The following BACE2 variants were observed in gnomAD, a reference collection of about 807,000 sequenced individuals.
BACE2 encodes beta-secretase 2.
In BACE2, 17 loss-of-function variants were observed where a neutral mutation model predicts 46.2. That is an observed-to-expected ratio of 0.37 (90% CI 0.25 to 0.55). The LOEUF is 0.55. Ranked by LOEUF, BACE2 falls within the 20% of genes least tolerant of loss-of-function variation. The pLI, the probability that BACE2 is intolerant of heterozygous loss-of-function variation, is 0.82. For synonymous variants in BACE2, 277 were observed against 295.9 expected, an observed-to-expected ratio of 0.94 and a Z score of 0.66; for missense variants, 595 against 698.1, an observed-to-expected ratio of 0.85 and a Z score of 1.66.
chr21:41,253,305 G>C (rs1449705448), intron 7 of BACE2, among the ~76,000 whole-genome samples: 1 of 151,894 alleles, frequency 6.6e-6, no homozygotes, highest in Non-Finnish European at 1.5e-5. Flanking sequence ...AGCTGGGCTT[G>C]GTGGCGGGCA....
At chr21:41,185,020 C>G (rs1183618729) in intron 1 of BACE2, 1 of 166,908 alleles carries the variant, frequency 6.0e-6, no homozygotes, top group Non-Finnish European at 1.5e-5. Flanking sequence ...TTCTTTAAGC[C>G]AAATTTGAAT....
chr21:41,228,892 A>G (rs1387357946), intron 2 of BACE2, among the ~76,000 whole-genome samples: 38 of 152,262 alleles, frequency 2.5e-4, no homozygotes, highest in Admixed American at 2.5e-3. Context: ...TATGCAATGT[A>G]TACTAAACCT....
intron 1 of BACE2, among the ~76,000 whole-genome samples, chr21:41,214,563 C>G (rs1486974322): frequency 1.3e-5 from 2 of 152,214 alleles, no homozygotes; most frequent in East Asian, 3.8e-4. Flanking sequence ...CTCTTTTACT[C>G]TCAGATTTTC....
intron 1 of BACE2, chr21:41,177,329 G>A (rs533087522): frequency 2.6e-4 from 40 of 152,370 alleles, no homozygotes; most frequent in African/African-American, 9.4e-4. Context: ...CAGAAGGAAG[G>A]CAGGAAGGGG....
chr21:41,240,761 C>T (rs943942383), intron 3 of BACE2, among the ~76,000 whole-genome samples: 1 of 152,160 alleles, frequency 6.6e-6, no homozygotes, highest in Non-Finnish European at 1.5e-5. Flanking sequence ...GATTCTGCCT[C>T]GGAATTCTGC....
rs187217844 is a variant in BACE2, at chr21:41,275,660, G to A, written c.*36G>A. ...CTGACCTCAAGCAACCATGAACTCA[G>A]CTATTAAGAAAATCACATTTCCAGG... On this transcript the variant is annotated 3_prime_UTR_variant, in exon 9 of 9. Transcript: ENST00000330333. 3.1e-6 allele frequency: 5 copies of A among 1,602,472 alleles called. No individual in the cohort carries two copies. The African/African-American group carries it at 6.7e-5, about 21-fold the overall frequency.
intron 1 of BACE2, chr21:41,185,091 C>T (rs980028670): frequency 6.0e-6 from 1 of 166,988 alleles, no homozygotes; most frequent in Non-Finnish European, 1.5e-5. Flanking sequence ...CCTTGTTGTC[C>T]CCATGCCTAT....
At chr21:41,188,054 G>C (rs909698529) in intron 1 of BACE2, among the ~76,000 whole-genome samples, 1 of 152,136 alleles carries the variant, frequency 6.6e-6, no homozygotes, top group African/African-American at 2.4e-5. Context: ...GTCAATATAC[G>C]TACATTTTGG....
intron 2 of BACE2, chr21:41,236,749 C>G (rs1987130446): frequency 6.6e-6 from 1 of 152,210 alleles, no homozygotes; most frequent in African/African-American, 2.4e-5. Context: ...GTGGAGCCTC[C>G]CTCTGGGATG....
intron 2 of BACE2, among the ~76,000 whole-genome samples, chr21:41,232,632 C>G (rs888846964): frequency 3.3e-5 from 5 of 151,964 alleles, no homozygotes; most frequent in African/African-American, 7.3e-5. Context: ...TTTAAAGGAG[C>G]CAGGCACCTC....
chr21:41,192,423 C>G (rs1985605338), intron 1 of BACE2, among the ~76,000 whole-genome samples: 1 of 152,162 alleles, frequency 6.6e-6, no homozygotes, highest in African/African-American at 2.4e-5. Context: ...TGTGCATGAC[C>G]CACTTTATGG....
intron 1 of BACE2, among the ~76,000 whole-genome samples, chr21:41,206,898 G>A (rs1169653851): frequency 1.3e-5 from 2 of 152,214 alleles, no homozygotes; most frequent in African/African-American, 4.8e-5. Context: ...GCCTGATGCT[G>A]CAGCAGGCGT....
chr21:41,226,579 A>G (rs529633038), intron 2 of BACE2, among the ~76,000 whole-genome samples: 1 of 152,356 alleles, frequency 6.6e-6, no homozygotes, highest in East Asian at 1.9e-4. Flanking sequence ...ACGCATTTAC[A>G]TGAGATTCAT....
At chr21:41,217,221 G>A (rs1461876460) in intron 1 of BACE2, among the ~76,000 whole-genome samples, 2 of 152,198 alleles carry the variant, frequency 1.3e-5, no homozygotes, top group Admixed American at 6.5e-5. Flanking sequence ...GAGCCACTGC[G>A]CCCGGCCCAA....
At chr21:41,228,826 A>G (rs1245725348) in intron 2 of BACE2, among the ~76,000 whole-genome samples, 2 of 152,220 alleles carry the variant, frequency 1.3e-5, no homozygotes, top group Non-Finnish European at 2.9e-5. Context: ...AATCTTAGGA[A>G]AGTTCCAAGA....
At chr21:41,240,909 T>A (rs563100317) in intron 3 of BACE2, among the ~76,000 whole-genome samples, 3 of 152,312 alleles carry the variant, frequency 2.0e-5, no homozygotes, top group Admixed American at 2.0e-4. Context: ...TAGTAAATAA[T>A]CATTCCTGTG....
intron 1 of BACE2, among the ~76,000 whole-genome samples, chr21:41,222,750 G>A (rs1276082775): frequency 6.6e-6 from 1 of 152,212 alleles, no homozygotes; most frequent in African/African-American, 2.4e-5. Flanking sequence ...ACAGTGGTGT[G>A]GACCCCCACA....
chr21:41,256,899 G>A lies in BACE2; in HGVS notation c.1135-259G>A, dbSNP rs79667192. 2.6e-4 allele frequency among the ~76,000 whole-genome samples: 39 copies of A among 152,278 alleles called. 1 individual carries two copies. Among genetic ancestry groups the A allele is most frequent in the Admixed American group, 2.1e-3 (32 of 15,304 alleles). On this transcript the variant is annotated intron_variant, in intron 7 of 8. Coordinates refer to ENST00000330333, the MANE Select transcript of BACE2 (RefSeq NM_012105.5). ...TTCATCAGCAAACAGTTGGACAGAC[G>A]TCTTCTGGGTGTGTGCACCTGTGTG... is the stretch of plus-strand genomic sequence containing the variant.
intron 1 of BACE2, among the ~76,000 whole-genome samples, chr21:41,194,248 A>T (rs1985668017): frequency 6.6e-6 from 1 of 152,154 alleles, no homozygotes; most frequent in African/African-American, 2.4e-5. Context: ...GCTCTACACG[A>T]GCCAGACTGT....
Sources: allele counts gnomAD v4.1 joint callset (sites outside exome capture counted in the v4.1 genomes callset), GRCh38; gene constraint gnomAD v4.1.1; transcripts MANE v1.5; gene names NCBI Gene and HGNC (gene_info 2026-07-23, HGNC 2026-07-21).